Variants in MBOAT2 observed in about 807,000 individuals in gnomAD.
MBOAT2 encodes membrane bound glycerophospholipid O-acyltransferase 2, also known as membrane-bound glycerophospholipid O-acyltransferase 2.
Under a neutral mutation model 63.4 loss-of-function variants are expected in MBOAT2, and 28 were observed. That is an observed-to-expected ratio of 0.44 (90% CI 0.33 to 0.61). The LOEUF is 0.61. Among genes scored for constraint, MBOAT2 ranks in the 20% least tolerant of loss-of-function variants. The pLI is 0.03. For synonymous variants in MBOAT2, 211 were observed against 215.6 expected (o/e 0.98, Z 0.19); for missense variants, 470 against 605.8 (o/e 0.78, Z 2.35).
intron 1 of MBOAT2, among the ~76,000 whole-genome samples, chr2:8,960,242 T>C (rs959545723): frequency 3.3e-5 from 5 of 152,236 alleles, no homozygotes; most frequent in African/African-American, 1.2e-4. Flanking sequence ...GTTTAAAACT[T>C]TGTTTCAAGT....
intron 2 of MBOAT2, among the ~76,000 whole-genome samples, chr2:8,953,845 T>C (rs1573154416): frequency 6.6e-6 from 1 of 152,226 alleles, no homozygotes; most frequent in Non-Finnish European, 1.5e-5. Context: ...GAAGTTTCTT[T>C]GTGTTGATTT....
chr2:8,863,574 T>C (rs1238930672), intron 10 of MBOAT2, among the ~76,000 whole-genome samples: 2 of 152,160 alleles, frequency 1.3e-5, no homozygotes, highest in South Asian at 2.1e-4. Flanking sequence ...CCCACACTTG[T>C]AGGAAGTTCT....
At chr2:8,958,372 C>T in intron 2 of MBOAT2, 125 bp downstream of exon 2, 3 of 891,312 alleles carry the variant, frequency 3.4e-6, no homozygotes, top group Non-Finnish European at 1.6e-6. Context: ...TGAAAGTTGG[C>T]CTGGAGAAAA....
At chr2:8,949,573 A>T (rs905219910) in intron 2 of MBOAT2, among the ~76,000 whole-genome samples, 1 of 152,064 alleles carries the variant, frequency 6.6e-6, no homozygotes, top group Non-Finnish European at 1.5e-5. Context: ...AGCCAATTAT[A>T]CCAGCACCAT....
intron 3 of MBOAT2, among the ~76,000 whole-genome samples, chr2:8,923,346 G>C (rs1215358901): frequency 6.6e-6 from 1 of 152,160 alleles, no homozygotes; most frequent in Non-Finnish European, 1.5e-5. Flanking sequence ...TGGTCTTTGA[G>C]ATATTTTTCA....
chr2:8,898,636 G>C (rs1309997821), intron 4 of MBOAT2, among the ~76,000 whole-genome samples: 2 of 152,242 alleles, frequency 1.3e-5, no homozygotes, highest in African/African-American at 4.8e-5. Flanking sequence ...GCCTGGACTT[G>C]AGAAGTGGCC....
At chr2:8,892,023 TA>T (rs1473276860) in intron 4 of MBOAT2, among the ~76,000 whole-genome samples, 4 of 152,196 alleles carry the variant, frequency 2.6e-5, no homozygotes, top group African/African-American at 7.2e-5. Flanking sequence ...ATGAAAAAGT[TA>T]AAAAATATAT....
At chr2:8,938,331 T>C (rs1050365427) in intron 3 of MBOAT2, among the ~76,000 whole-genome samples, 4 of 152,042 alleles carry the variant, frequency 2.6e-5, no homozygotes, top group Admixed American at 2.0e-4. Context: ...TGTAACAGTG[T>C]CACCCCACCC....
At chr2:8,995,928 G>A (rs1672269120) in intron 1 of MBOAT2, among the ~76,000 whole-genome samples, 2 of 152,220 alleles carry the variant, frequency 1.3e-5, no homozygotes, top group Admixed American at 1.3e-4. Flanking sequence ...AATATGAACA[G>A]CCTAAAAACT....
intron 2 of MBOAT2, among the ~76,000 whole-genome samples, chr2:8,948,403 A>G (rs1310435527): frequency 2.0e-5 from 3 of 152,168 alleles, no homozygotes; most frequent in Admixed American, 2.0e-4. Context: ...TATATTCCAT[A>G]ATGATGAGGT....
chr2:8,934,019 A>G (rs1667499391), intron 3 of MBOAT2, among the ~76,000 whole-genome samples: 1 of 152,194 alleles, frequency 6.6e-6, no homozygotes, highest in South Asian at 2.1e-4. Flanking sequence ...AGGAATCTCA[A>G]TCACACCCTT....
intron 1 of MBOAT2, among the ~76,000 whole-genome samples, chr2:8,983,303 C>A (rs1443627294): frequency 1.3e-5 from 2 of 152,110 alleles, no homozygotes; most frequent in Admixed American, 1.3e-4. Flanking sequence ...ATGGAAATTT[C>A]TTAGGTGAAA....
At chr2:8,982,758 A>ATG (rs1387971556) in intron 1 of MBOAT2, among the ~76,000 whole-genome samples, 14 of 152,190 alleles carry the variant, frequency 9.2e-5, no homozygotes, top group African/African-American at 3.4e-4. Context: ...CAGGTACTGT[A>ATG]CCAGGTGCTA....
At chr2:8,895,196 T>G (rs1196996177) in intron 4 of MBOAT2, among the ~76,000 whole-genome samples, 1 of 152,248 alleles carries the variant, frequency 6.6e-6, no homozygotes, top group Non-Finnish European at 1.5e-5. Context: ...TTCCCTTATT[T>G]GGCCCCACCC....
At chr2:8,897,600 C>A (rs1664580431) in intron 4 of MBOAT2, among the ~76,000 whole-genome samples, 2 of 152,184 alleles carry the variant, frequency 1.3e-5, no homozygotes, top group Non-Finnish European at 2.9e-5. Flanking sequence ...GGCACTGGTC[C>A]CTGGGGGAAG....
At chr2:8,932,897 T>C (rs754324401) in intron 3 of MBOAT2, among the ~76,000 whole-genome samples, 11 of 152,234 alleles carry the variant, frequency 7.2e-5, no homozygotes, top group Non-Finnish European at 8.8e-5. Flanking sequence ...GTCAAGTCTA[T>C]ACACTCATAA....
At chr2:8,986,207 CAAAAA>C (rs749608343) in intron 1 of MBOAT2, among the ~76,000 whole-genome samples, 1 of 74,390 alleles carries the variant, frequency 1.3e-5, no homozygotes, top group Non-Finnish European at 2.7e-5. Flanking sequence ...ACAAGGTCAC[CAAAAA>C]AAAAAAAAAA....
intron 1 of MBOAT2, among the ~76,000 whole-genome samples, chr2:8,964,463 A>C (rs1185288990): frequency 6.6e-6 from 1 of 150,532 alleles, no homozygotes; most frequent in African/African-American, 2.5e-5. Flanking sequence ...CACTTGACTA[A>C]TTTACATATT....
intron 3 of MBOAT2, among the ~76,000 whole-genome samples, chr2:8,930,982 GTC>G (rs1667278226): frequency 6.6e-6 from 1 of 152,046 alleles, no homozygotes; most frequent in Non-Finnish European, 1.5e-5. Flanking sequence ...TCTGCTCCAT[GTC>G]TCTCTTTCAC....
Sources: gnomAD v4.1 joint callset for allele counts (sites outside exome capture counted in the v4.1 genomes callset) on GRCh38, gnomAD v4.1.1 for gene constraint, MANE v1.5 for transcripts, NCBI Gene and HGNC (gene_info 2026-07-23, HGNC 2026-07-21) for gene names.